Variants in DISC1 observed in about 807,000 individuals in gnomAD.
DISC1 encodes DISC1 scaffold protein.
Under a neutral mutation model 84.5 loss-of-function variants are expected in DISC1, and 57 were observed. That is an observed-to-expected ratio of 0.67 (90% CI 0.55 to 0.84). DISC1 has a LOEUF of 0.84. Ranked by LOEUF, DISC1 falls within the 40% of genes least tolerant of loss-of-function variation. The probability of loss-of-function intolerance (pLI) is 0.00; values close to 1 mark genes in which losing one functional copy is unlikely to be tolerated. For missense variants in DISC1, 1,000 were observed against 1,057.8 expected, an observed-to-expected ratio of 0.95 and a Z score of 0.76; for synonymous variants, 411 against 415.2, an observed-to-expected ratio of 0.99 and a Z score of 0.12.
intron 1 of DISC1, among the ~76,000 whole-genome samples, chr1:231,693,288 A>T (rs886611176): frequency 6.6e-6 from 1 of 152,238 alleles, no homozygotes; most frequent in African/African-American, 2.4e-5. Flanking sequence ...GATGATGGCC[A>T]TACATTGCGG....
chr1:231,807,728 G>C (rs1000055049), intron 8 of DISC1, among the ~76,000 whole-genome samples: 5 of 152,194 alleles, frequency 3.3e-5, no homozygotes, highest in Non-Finnish European at 5.9e-5. Flanking sequence ...CTGGGTGACA[G>C]CCTCACTGTG....
intron 3 of DISC1, among the ~76,000 whole-genome samples, chr1:231,749,383 G>A (rs1450689610): frequency 6.6e-6 from 1 of 152,110 alleles, no homozygotes; most frequent in African/African-American, 2.4e-5. Flanking sequence ...GTAGACTTAA[G>A]GTCATTAAAA....
chr1:231,844,477 A>C (rs988957615), intron 9 of DISC1, among the ~76,000 whole-genome samples: 5 of 152,130 alleles, frequency 3.3e-5, no homozygotes, highest in African/African-American at 1.2e-4. Context: ...CCTGTGGTTT[A>C]GGGTTTTCAT....
intron 10 of DISC1, among the ~76,000 whole-genome samples, chr1:231,982,218 C>T (rs548906710): frequency 2.2e-4 from 33 of 152,092 alleles, no homozygotes; most frequent in African/African-American, 5.5e-4. Flanking sequence ...TTTTAAGCGT[C>T]GGTGATTGTG....
intron 10 of DISC1, among the ~76,000 whole-genome samples, chr1:232,007,953 G>C (rs1422505065): frequency 6.6e-6 from 1 of 152,050 alleles, no homozygotes; most frequent in Non-Finnish European, 1.5e-5. Flanking sequence ...CTTTATAAAG[G>C]GCTCTTTCCC....
intron 9 of DISC1, among the ~76,000 whole-genome samples, chr1:231,869,273 A>G (rs541087513): frequency 6.6e-6 from 1 of 152,268 alleles, no homozygotes; most frequent in African/African-American, 2.4e-5. Context: ...TTGTCTTTAC[A>G]GACACTTAAC....
chr1:231,816,827 G>T (rs1254624241), intron 8 of DISC1, among the ~76,000 whole-genome samples: 1 of 152,036 alleles, frequency 6.6e-6, no homozygotes, highest in Non-Finnish European at 1.5e-5. Flanking sequence ...TTGAAACCAA[G>T]ACTCACTTTT....
intron 10 of DISC1, among the ~76,000 whole-genome samples, chr1:231,979,610 T>C (rs1663314514): frequency 6.6e-6 from 1 of 151,196 alleles, no homozygotes; most frequent in Non-Finnish European, 1.5e-5. Flanking sequence ...TATATATATA[T>C]ATAAAAGCAT....
chr1:231,959,050 G>A (rs535210600), intron 10 of DISC1, 162 bp downstream of exon 10: 3 of 1,410,090 alleles, frequency 2.1e-6, no homozygotes, highest in East Asian at 2.7e-5. Flanking sequence ...GAAAGAGCAG[G>A]TGCCAGCCCT....
intron 8 of DISC1, among the ~76,000 whole-genome samples, chr1:231,805,179 T>C (rs1324432581): frequency 6.6e-6 from 1 of 152,214 alleles, no homozygotes; most frequent in East Asian, 1.9e-4. Context: ...ACCTCTTTTT[T>C]TCCATTCTCT....
chr1:231,728,205 C>T (rs2071008537), intron 3 of DISC1, among the ~76,000 whole-genome samples: 1 of 152,086 alleles, frequency 6.6e-6, no homozygotes, highest in Non-Finnish European at 1.5e-5. Flanking sequence ...CATGTTGTGC[C>T]ATCTATGATG....
intron 3 of DISC1, among the ~76,000 whole-genome samples, chr1:231,718,733 G>T (rs1318718409): frequency 6.6e-6 from 1 of 152,174 alleles, no homozygotes; most frequent in African/African-American, 2.4e-5. Context: ...ACCGCACCTG[G>T]CTGCAACTTT....
At chr1:232,033,701 A>C (rs1237577774) in intron 12 of DISC1, among the ~76,000 whole-genome samples, 1 of 72,454 alleles carries the variant, frequency 1.4e-5, no homozygotes, top group Non-Finnish European at 3.7e-5. Flanking sequence ...AATGAGTGAA[A>C]GAAAGAAAGA....
intron 1 of DISC1, among the ~76,000 whole-genome samples, chr1:231,677,465 C>T (rs893246097): frequency 1.1e-4 from 16 of 152,332 alleles, no homozygotes; most frequent in Admixed American, 3.3e-4. Context: ...CTCAGAACAA[C>T]TCGGGGAAAG....
intron 10 of DISC1, among the ~76,000 whole-genome samples, chr1:231,999,263 C>T (rs928140748): frequency 3.8e-4 from 58 of 152,160 alleles, no homozygotes; most frequent in African/African-American, 1.4e-3. Flanking sequence ...CAAATGAGAA[C>T]TCTGAAAGAC....
At chr1:231,959,430 C>A (rs1660078441) in intron 10 of DISC1, 1 of 985,604 alleles carries the variant, frequency 1.0e-6, no homozygotes, top group East Asian at 1.1e-4. Context: ...TGGATGTGTG[C>A]TTAGGAAAAT....
At chr1:231,768,713 A>C (rs1372456710) in intron 5 of DISC1, among the ~76,000 whole-genome samples, 1 of 152,198 alleles carries the variant, frequency 6.6e-6, no homozygotes, top group Non-Finnish European at 1.5e-5. Context: ...CTTTTGATCC[A>C]CTAGGGGTGA....
chr1:231,979,598 C>CAT (rs147080360), intron 10 of DISC1, among the ~76,000 whole-genome samples: 150 of 149,090 alleles, frequency 1.0e-3, no homozygotes, highest in African/African-American at 2.4e-3. Flanking sequence ...AGTATAATGA[C>CAT]ATATATATAT....
chr1:232,012,145 C>A (rs893935136), intron 11 of DISC1, among the ~76,000 whole-genome samples: 1 of 139,796 alleles, frequency 7.2e-6, no homozygotes, highest in Non-Finnish European at 1.6e-5. Context: ...TTTTTGCATG[C>A]ATAATGCTAG....
Sources: allele counts gnomAD v4.1 joint callset (sites outside exome capture counted in the v4.1 genomes callset), GRCh38; gene constraint gnomAD v4.1.1; transcripts MANE v1.5; gene names NCBI Gene and HGNC (gene_info 2026-07-23, HGNC 2026-07-21).